Variants in STK3 observed in about 807,000 individuals in gnomAD.
STK3 encodes the protein serine/threonine kinase 3, also known as serine/threonine-protein kinase 3.
A neutral mutation model predicts 58.0 loss-of-function variants in STK3; 41 were observed. That is an observed-to-expected ratio of 0.71 (90% CI 0.55 to 0.92). The LOEUF is 0.92. STK3 is among the 40% of genes least tolerant of loss of function. The probability of loss-of-function intolerance (pLI) is 0.00; values close to 1 mark genes in which losing one functional copy is unlikely to be tolerated. For missense variants in STK3, 479 were observed against 602.7 expected, an observed-to-expected ratio of 0.79 and a Z score of 2.15; for synonymous variants, 170 against 191.0, an observed-to-expected ratio of 0.89 and a Z score of 0.91.
At chr8:98,634,337 T>C (rs528012487) in intron 6 of STK3, among the ~76,000 whole-genome samples, 5 of 151,856 alleles carry the variant, frequency 3.3e-5, no homozygotes, top group African/African-American at 1.2e-4. Context: ...AAAAAATATA[T>C]ATATATACAA....
At chr8:98,821,931 GAGA>G (rs1445239461) in intron 1 of STK3, among the ~76,000 whole-genome samples, 2 of 152,104 alleles carry the variant, frequency 1.3e-5, no homozygotes, top group East Asian at 1.9e-4. Flanking sequence ...ACTCCCAGAG[GAGA>G]AGAAGATGCC....
chr8:98,573,650 C>T (rs933144050), intron 8 of STK3, among the ~76,000 whole-genome samples: 2 of 151,958 alleles, frequency 1.3e-5, no homozygotes, highest in Non-Finnish European at 2.9e-5. Context: ...TCCAACAGTC[C>T]CCCAAAGTCT....
At chr8:98,794,005 CAG>C (rs1347145054) in intron 1 of STK3, among the ~76,000 whole-genome samples, 2 of 151,976 alleles carry the variant, frequency 1.3e-5, no homozygotes, top group African/African-American at 4.8e-5. Context: ...TAAATGAAAA[CAG>C]AGTATCAAAA....
intron 1 of STK3, among the ~76,000 whole-genome samples, chr8:98,910,166 C>G (rs1402191945): frequency 6.6e-6 from 1 of 152,110 alleles, no homozygotes; most frequent in Non-Finnish European, 1.5e-5. Flanking sequence ...CTATTCAGAT[C>G]CTTTTCCCAT....
At chr8:98,840,583 GTA>G (rs59274441) in intron 3 of STK3, among the ~76,000 whole-genome samples, 5,497 of 79,190 alleles carry the variant, frequency 0.069, 140 homozygotes, top group African/African-American at 0.088. Flanking sequence ...AGAAAAAAAT[GTA>G]TATATATATA....
At chr8:98,691,686 C>G (rs1824414131) in intron 6 of STK3, among the ~76,000 whole-genome samples, 1 of 152,128 alleles carries the variant, frequency 6.6e-6, no homozygotes, top group African/African-American at 2.4e-5. Context: ...GTAATCCCAA[C>G]ACTTTGGGAA....
chr8:98,899,343 T>C (rs1838573006), intron 1 of STK3, among the ~76,000 whole-genome samples: 1 of 152,198 alleles, frequency 6.6e-6, no homozygotes, highest in Admixed American at 6.5e-5. Flanking sequence ...TCAAGCACAG[T>C]AGGCCCTCCT....
chr8:98,912,705 G>A (rs938982347), intron 1 of STK3, among the ~76,000 whole-genome samples: 1 of 152,188 alleles, frequency 6.6e-6, no homozygotes, highest in African/African-American at 2.4e-5. Flanking sequence ...GGGGTAAAGA[G>A]AGACCAGGGA....
In STK3 at chr8:98,706,494, A is replaced by C. The variant is rs1402342749; in HGVS notation, c.657T>G (p.Pro219=). 1 of 1,613,556 alleles carries C rather than the reference A, an allele frequency of 6.2e-7. No homozygotes were observed. Among genetic ancestry groups the C allele is most frequent in the Admixed American group, 1.7e-5 (1 of 59,910 alleles). ...ITSIEMAEGK[P]PYADIHPMRA... is the part of the protein sequence containing the mutation. ...TCATTGGATGTATATCAGCATAAGGAGGTTTTCCTTCAGCCATTTCTATAG... is the reference window on the plus strand; with the variant it reads ...TCATTGGATGTATATCAGCATAAGGCGGTTTTCCTTCAGCCATTTCTATAG... Residue 219 remains proline, a synonymous_variant, in exon 6 of 11, where the codon CCT becomes CCG. Coordinates refer to ENST00000419617, the MANE Select transcript of STK3 (RefSeq NM_006281.4).
chr8:98,604,999 T>C (rs914054300), intron 6 of STK3, among the ~76,000 whole-genome samples: 1 of 152,196 alleles, frequency 6.6e-6, no homozygotes, highest in Non-Finnish European at 1.5e-5. Flanking sequence ...AAAAGTGACA[T>C]TTGCTCCAGT....
chr8:98,426,880 C>T (rs753789867), intron 3 of STK3: 125 of 153,094 alleles, frequency 8.2e-4, no homozygotes, highest in Non-Finnish European at 1.5e-3. Context: ...CGGGGAAGCG[C>T]AGAGAAGCAG....
At chr8:98,936,793 G>A (rs756229292) in intron 1 of STK3, among the ~76,000 whole-genome samples, 20 of 152,202 alleles carry the variant, frequency 1.3e-4, no homozygotes, top group South Asian at 2.1e-4. Context: ...GGTCTAACAC[G>A]TTAGAAACAC....
chr8:98,938,928 A>T (rs1040632971), intron 1 of STK3, among the ~76,000 whole-genome samples: 3 of 152,188 alleles, frequency 2.0e-5, no homozygotes, highest in African/African-American at 7.2e-5. Flanking sequence ...ATTTCCGGAA[A>T]TCAGTCAGAT....
At chr8:98,907,822 C>G (rs959288038) in intron 1 of STK3, among the ~76,000 whole-genome samples, 1 of 152,174 alleles carries the variant, frequency 6.6e-6, no homozygotes, top group African/African-American at 2.4e-5. Context: ...AGGTCCATAA[C>G]TTGCATTTAG....
At chr8:98,750,461 CAAA>C (rs57932163) in intron 3 of STK3, among the ~76,000 whole-genome samples, 2 of 106,986 alleles carry the variant, frequency 1.9e-5, no homozygotes, top group African/African-American at 3.4e-5. Flanking sequence ...AACAAATAAG[CAAA>C]AAAAAAAAAA....
chr8:98,660,587 G>A (rs1368957031), intron 6 of STK3, among the ~76,000 whole-genome samples: 1 of 151,992 alleles, frequency 6.6e-6, no homozygotes, highest in East Asian at 1.9e-4. Context: ...CCCCATGAAT[G>A]TGATATAGCA....
intron 1 of STK3, among the ~76,000 whole-genome samples, chr8:98,820,311 G>A (rs1470364227): frequency 1.3e-5 from 2 of 152,160 alleles, no homozygotes; most frequent in East Asian, 3.8e-4. Flanking sequence ...CCTGTCTTGA[G>A]AGTAAGTATG....
At chr8:98,821,458 T>C (rs1283887248) in intron 1 of STK3, among the ~76,000 whole-genome samples, 1 of 151,526 alleles carries the variant, frequency 6.6e-6, no homozygotes, top group Non-Finnish European at 1.5e-5. Flanking sequence ...ATAACGACTT[T>C]GGCCAGCTTG....
chr8:98,634,608 A>G (rs990284424), intron 6 of STK3, among the ~76,000 whole-genome samples: 1 of 152,208 alleles, frequency 6.6e-6, no homozygotes, highest in Non-Finnish European at 1.5e-5. Context: ...GTTCAAATAT[A>G]AAGGGAGAAA....
Sources: gnomAD v4.1 joint callset for allele counts (sites outside exome capture counted in the v4.1 genomes callset) on GRCh38, gnomAD v4.1.1 for gene constraint, MANE v1.5 for transcripts, NCBI Gene and HGNC (gene_info 2026-07-23, HGNC 2026-07-21) for gene names.